Variants in SERGEF observed in about 807,000 individuals in gnomAD.
The protein encoded by SERGEF is secretion regulating guanine nucleotide exchange factor.
SERGEF carries 51 observed loss-of-function variants against 50.0 expected under a neutral mutation model. The observed-to-expected ratio is 1.02, with a 90% CI of 0.81 to 1.29. SERGEF has a LOEUF of 1.29. Among genes scored for constraint, SERGEF ranks in the 50% most tolerant of loss-of-function variants. SERGEF has a pLI of 0.00. For synonymous variants in SERGEF, 205 were observed against 212.4 expected, an observed-to-expected ratio of 0.97 and a Z score of 0.30; for missense variants, 521 against 557.0, an observed-to-expected ratio of 0.94 and a Z score of 0.65.
chr11:18,012,927 C>T (rs748741600), intron 1 of SERGEF, 24 bp downstream of exon 1: 2 of 1,521,988 alleles, frequency 1.3e-6, no homozygotes, highest in Middle Eastern at 2.0e-4. Flanking sequence ...GGGCCTGCAC[C>T]GGCCCGGGGG....
rs1851463770 is a variant in SERGEF at position 17,888,040 on chromosome 11, C to T, written c.1012-9796G>A. Reference sequence around the variant, plus strand: ...GTGGCATTAGATTCTCATATGAGCACAAACCCTATTGTGAACTCCGCGTGG... The same window carrying T: ...GTGGCATTAGATTCTCATATGAGCATAAACCCTATTGTGAACTCCGCGTGG... On this transcript the variant is annotated intron_variant, in intron 9 of 10. Coordinates refer to ENST00000265965, the MANE Select transcript of SERGEF (RefSeq NM_012139.4). This position sits in a 1 kb window ranked among gnomAD's most constrained non-coding sequence, Gnocchi z 4.1. Among the ~76,000 whole-genome samples the T allele has an allele frequency of 6.6e-6, 1 of 152,186 alleles. No homozygotes were observed. The highest frequency in any genetic ancestry group is 2.4e-5 in the African/African-American group (1 of 41,440).
chr11:17,798,266 C>G (rs899411847), intron 10 of SERGEF, among the ~76,000 whole-genome samples: 2 of 152,196 alleles, frequency 1.3e-5, no homozygotes, highest in Non-Finnish European at 2.9e-5. Flanking sequence ...GAAACTGAGG[C>G]CCACAGTGGG....
chr11:17,999,459 C>T (rs1179731075), intron 5 of SERGEF: 1 of 369,918 alleles, frequency 2.7e-6, no homozygotes, highest in Non-Finnish European at 5.3e-6. Flanking sequence ...AAGCCCAGGA[C>T]TATCAGCACA....
chr11:17,845,287 A>G (rs959790034), intron 10 of SERGEF, among the ~76,000 whole-genome samples: 30 of 152,192 alleles, frequency 2.0e-4, no homozygotes, highest in African/African-American at 6.5e-4. Context: ...GGGCTCAGCT[A>G]TCAAAGCCTA....
Position 18,012,816 on chromosome 11 carries a change from G to T in SERGEF, c.60+135C>A, listed in dbSNP as rs1380697529. 2.6e-6 allele frequency: 3 copies of T among 1,175,514 alleles called. No individual in the cohort carries two copies. In the African/African-American group the frequency reaches 4.8e-5, roughly 19 times the overall value. 72.8% of individuals were successfully genotyped at this position (1,175,514 alleles called of 1,614,324 possible). On this transcript the variant is annotated intron_variant, in intron 1 of 10. Coordinates refer to ENST00000265965, the MANE Select transcript of SERGEF (RefSeq NM_012139.4). ...CTCCTCCGCTCCCCCTCCGCTCCCA[G>T]CCCAGGATCCTTCAACCCAGAGCCC...
intron 8 of SERGEF, among the ~76,000 whole-genome samples, chr11:17,963,942 C>T (rs2670764): frequency 0.62 from 94,114 of 151,744 alleles, 29,398 homozygotes; most frequent in African/African-American, 0.7. Context: ...ATAACACAAG[C>T]CTAGGATGCA....
At chr11:18,000,906 G>A (rs1485459254) in intron 4 of SERGEF, 7 of 460,512 alleles carry the variant, frequency 1.5e-5, no homozygotes, top group African/African-American at 1.4e-4. Context: ...CTGTGCCATT[G>A]TAACATAAAA....
At chr11:17,924,652 C>CG (rs1852217556) in intron 9 of SERGEF, among the ~76,000 whole-genome samples, 1 of 61,794 alleles carries the variant, frequency 1.6e-5, no homozygotes, top group Admixed American at 1.8e-4. Flanking sequence ...AGTGGGGGTG[C>CG]GGGGGGTGAT....
chr11:17,974,482 G>T (rs1161771143), intron 8 of SERGEF, among the ~76,000 whole-genome samples: 1 of 152,164 alleles, frequency 6.6e-6, no homozygotes, highest in Non-Finnish European at 1.5e-5. Flanking sequence ...TGTTACTATG[G>T]ACCATCTGCC....
chr11:17,815,375 G>C, intron 10 of SERGEF, among the ~76,000 whole-genome samples: 1 of 144,946 alleles, frequency 6.9e-6, no homozygotes, highest in East Asian at 2.1e-4. Context: ...GAGGCAGGCA[G>C]ATCACCTGAG....
At chr11:17,986,369 T>C (rs1404167846) in intron 8 of SERGEF, among the ~76,000 whole-genome samples, 1 of 152,218 alleles carries the variant, frequency 6.6e-6, no homozygotes, top group East Asian at 1.9e-4. Flanking sequence ...GTTTAACCAT[T>C]CTGGCCTTAG....
At chr11:17,823,069 C>A (rs1406161930) in intron 10 of SERGEF, among the ~76,000 whole-genome samples, 1 of 152,168 alleles carries the variant, frequency 6.6e-6, no homozygotes, top group East Asian at 1.9e-4. Flanking sequence ...TACCGTATTA[C>A]ATTTAGCCAT....
chr11:17,875,837 T>A (rs1247395398), intron 10 of SERGEF, among the ~76,000 whole-genome samples: 1 of 152,236 alleles, frequency 6.6e-6, no homozygotes, highest in Non-Finnish European at 1.5e-5. Context: ...GTCTAGTCTA[T>A]AACTATTTTG....
chr11:17,967,600 G>A (rs1432719528), intron 8 of SERGEF, among the ~76,000 whole-genome samples: 1 of 152,202 alleles, frequency 6.6e-6, no homozygotes, highest in African/African-American at 2.4e-5. Flanking sequence ...ACTGAGTGCA[G>A]AACTATCTAC....
chr11:17,857,638 T>C (rs1307385441), intron 10 of SERGEF, among the ~76,000 whole-genome samples: 1 of 152,186 alleles, frequency 6.6e-6, no homozygotes, highest in East Asian at 1.9e-4. Context: ...CCGAATAAAA[T>C]GAACAGACTC....
At chr11:18,007,666 C>T (rs910025041) in intron 2 of SERGEF, among the ~76,000 whole-genome samples, 2 of 152,076 alleles carry the variant, frequency 1.3e-5, no homozygotes, top group African/African-American at 4.8e-5. Context: ...CACTACTTTG[C>T]CTTGTGATGT....
chr11:17,938,162 T>A (rs1852491740), intron 9 of SERGEF, among the ~76,000 whole-genome samples: 1 of 152,192 alleles, frequency 6.6e-6, no homozygotes, highest in South Asian at 2.1e-4. Flanking sequence ...TCTGAGGACC[T>A]AAAGTGGTCC....
intron 10 of SERGEF, among the ~76,000 whole-genome samples, chr11:17,850,524 C>T (rs1182619490): frequency 1.3e-5 from 2 of 152,168 alleles, no homozygotes; most frequent in African/African-American, 4.8e-5. Context: ...GATAAATGGA[C>T]ATCCTGCCAA....
intron 9 of SERGEF, among the ~76,000 whole-genome samples, chr11:17,924,844 T>C (rs998680693): frequency 2.0e-5 from 3 of 152,174 alleles, no homozygotes; most frequent in Admixed American, 6.5e-5. Flanking sequence ...TCCTTCCATG[T>C]TTGCTGTCTT....
Sources: allele counts gnomAD v4.1 joint callset (sites outside exome capture counted in the v4.1 genomes callset), GRCh38; gene constraint gnomAD v4.1.1; non-coding constraint Gnocchi (gnomAD v3.1); transcripts MANE v1.5; gene names NCBI Gene and HGNC (gene_info 2026-07-23, HGNC 2026-07-21).